Variants in RMI1 observed in about 807,000 individuals in gnomAD.
RMI1 encodes recQ-mediated genome instability protein 1.
RMI1 carries 36 observed loss-of-function variants against 46.7 expected under a neutral mutation model. The ratio of observed to expected loss-of-function variants is 0.77; its 90% CI spans 0.59 to 1.02. The LOEUF (loss-of-function observed/expected upper bound fraction) is 1.02. Among genes scored for constraint, RMI1 ranks in the 50% least tolerant of loss-of-function variants. RMI1 has a pLI of 0.00. For synonymous variants in RMI1, 250 were observed against 252.9 expected, an observed-to-expected ratio of 0.99 and a Z score of 0.11; for missense variants, 676 against 713.7, an observed-to-expected ratio of 0.95 and a Z score of 0.60.
chr9:83,983,372 C>G (rs1407349342), intron 1 of RMI1, among the ~76,000 whole-genome samples: 1 of 152,176 alleles, frequency 6.6e-6, no homozygotes, highest in Non-Finnish European at 1.5e-5. Flanking sequence ...CTTCTAATTT[C>G]AGTCATATAC....
intron 1 of RMI1, among the ~76,000 whole-genome samples, chr9:83,994,391 T>C (rs536047761): frequency 6.6e-6 from 1 of 152,324 alleles, no homozygotes; most frequent in Non-Finnish European, 1.5e-5. Context: ...GTCATGAAGC[T>C]TTTTCCCTAT....
intron 1 of RMI1, among the ~76,000 whole-genome samples, chr9:83,981,726 A>G (rs541831436): frequency 6.6e-6 from 1 of 152,338 alleles, no homozygotes; most frequent in African/African-American, 2.4e-5. Context: ...GAATACATGC[A>G]TATATTTTAG....
Position 84,001,151 on chromosome 9 carries a change from G to A in RMI1, c.165G>A (p.Gln55=), listed in dbSNP as rs1957730256. The part of the protein sequence containing the change: ...QAQMNKQVFE[Q]WLLTDLRDLE... ...AAATGAATAAACAAGTGTTTGAGCA[G>A]TGGCTCCTTACTGATCTGAGGGATT... is the stretch of plus-strand genomic sequence containing the variant. Residue 55 remains glutamine (Q), a synonymous_variant, in exon 3 of 3, where the codon CAG becomes CAA. Transcript: ENST00000445877. 1.9e-6 allele frequency: 3 copies of A among 1,614,012 alleles called. No homozygotes were observed. Among genetic ancestry groups the A allele is most frequent in the South Asian group, 1.1e-5 (1 of 91,090 alleles).
Position 84,003,787 on chromosome 9 carries a change from T to A in RMI1, c.*923T>A, listed in dbSNP as rs916146208. The A allele has an allele frequency of 6.2e-6, 1 of 162,356 alleles. No homozygotes were observed. The highest frequency in any genetic ancestry group is 2.4e-5 in the African/African-American group (1 of 41,456). 10.1% of individuals were successfully genotyped at this position (162,356 alleles called of 1,614,324 possible). A position where few individuals can be genotyped will look rare whatever the true frequency, so the allele number is the denominator to read the frequency against. ...TATTTTAAATGGCATATTGAAAACA[T>A]CATTATTAAGATCCAGTAGGTAGGA... On this transcript the variant is annotated 3_prime_UTR_variant, in exon 3 of 3. Coordinates refer to ENST00000445877, the MANE Select transcript of RMI1 (RefSeq NM_001358291.2).
chr9:84,001,198 A>ATGGCATTTT lies in RMI1; in HGVS notation c.213_221dup (p.Ile73_Leu74insPheGlyIle). ...GATTTGGAGCATCCTCTTTTACCCG[A>ATGGCATTTT]TGGCATTTTAGAAATTCCAAAAGGA... On this transcript the variant is annotated inframe_insertion, in exon 3 of 3. Coordinates refer to ENST00000445877, the MANE Select transcript of RMI1 (RefSeq NM_001358291.2). 1 of 1,614,144 alleles carries ATGGCATTTT rather than the reference A, an allele frequency of 6.2e-7. No homozygotes were observed. Among genetic ancestry groups the ATGGCATTTT allele is most frequent in the Non-Finnish European group, 8.5e-7 (1 of 1,179,984 alleles).
At chr9:83,996,464 G>A (rs1347539628) in intron 1 of RMI1, among the ~76,000 whole-genome samples, 2 of 152,154 alleles carry the variant, frequency 1.3e-5, no homozygotes, top group African/African-American at 2.4e-5. Context: ...CACGGCTTTA[G>A]TGCCCACTTA....
chr9:83,993,092 T>G (rs1386941561), intron 1 of RMI1: 1 of 152,224 alleles, frequency 6.6e-6, no homozygotes, highest in African/African-American at 2.4e-5. Context: ...GTTACTTATG[T>G]GCATATTGTT....
intron 1 of RMI1, among the ~76,000 whole-genome samples, chr9:83,982,067 CTT>C (rs1296294570): frequency 6.6e-6 from 1 of 152,158 alleles, no homozygotes; most frequent in African/African-American, 2.4e-5. Flanking sequence ...GTAGGTAAAA[CTT>C]AACTCGCATT....
intron 1 of RMI1, among the ~76,000 whole-genome samples, chr9:83,993,770 T>A (rs903243590): frequency 6.6e-6 from 1 of 151,910 alleles, no homozygotes; most frequent in Non-Finnish European, 1.5e-5. Context: ...TTATTGACCA[T>A]TGTATATCTT....
intron 2 of RMI1, among the ~76,000 whole-genome samples, 189 bp from the exon 3 acceptor site, chr9:84,000,762 A>G (rs977546915): frequency 2.6e-5 from 4 of 152,308 alleles, no homozygotes; most frequent in South Asian, 2.1e-4. Flanking sequence ...AAACCTAGGT[A>G]TAGCTGTCTC....
Position 84,002,310 on chromosome 9 carries a change from A to T in RMI1, c.1324A>T (p.Ile442Leu). 1 of 1,600,172 alleles carries T rather than the reference A, an allele frequency of 6.2e-7. No homozygotes were observed. The highest frequency in any genetic ancestry group is 8.5e-7 in the Non-Finnish European group (1 of 1,169,654). ...AGATAGCCATTCCTTAAATAATAAA[A>T]TATTAAATAGAGAGGTGGTCAACTA... ...SSDSHSLNNK[I>L]LNREVVNYVQ... The change falls in exon 3 of 3, where the codon ATA becomes TTA. Residue 442 changes from isoleucine to leucine, a missense_variant. Ile to Leu is a conservative substitution (Grantham distance 5, BLOSUM62 2). Transcript: ENST00000445877.
At chr9:83,988,808 A>T (rs1957528424) in intron 1 of RMI1, among the ~76,000 whole-genome samples, 1 of 152,138 alleles carries the variant, frequency 6.6e-6, no homozygotes, top group South Asian at 2.1e-4. Flanking sequence ...TTTATTTGCC[A>T]TCTGCATATT....
chr9:83,998,072 C>T (rs138920366), intron 1 of RMI1, among the ~76,000 whole-genome samples: 2 of 152,178 alleles, frequency 1.3e-5, no homozygotes, highest in Non-Finnish European at 2.9e-5. Flanking sequence ...GCTGGGTTTA[C>T]AGGCGTGAGC....
Position 84,001,813 on chromosome 9 carries a change from A to G in RMI1, c.827A>G (p.Asn276Ser). ...TGTTTCACCACAGGTAGTTCCTCAA[A>G]TACCATTCCCACAAGACAGTCAAGT... is the stretch of plus-strand genomic sequence containing the variant. ...ERCFTTGSSSNTIPTRQSSFE... is the reference protein window; with the variant it reads ...ERCFTTGSSSSTIPTRQSSFE... The change falls in exon 3 of 3, where the codon AAT (asparagine) becomes AGT (serine). Residue 276 changes from asparagine to serine, a missense_variant. Asn to Ser is a conservative substitution (Grantham distance 46, BLOSUM62 1). Coordinates refer to ENST00000445877, the MANE Select transcript of RMI1 (RefSeq NM_001358291.2). The G allele has an allele frequency of 6.2e-7, 1 of 1,614,064 alleles. No homozygotes were observed. Among genetic ancestry groups the G allele is most frequent in the Non-Finnish European group, 8.5e-7 (1 of 1,179,948 alleles).
Position 84,001,329 on chromosome 9 carries a change from CT to C in RMI1, c.344del (p.Leu115GlnfsTer8), listed in dbSNP as rs1957733028. 6.2e-7 allele frequency: 1 copy of C among 1,614,108 alleles called. No individual in the cohort carries two copies. Among genetic ancestry groups the C allele is most frequent in the Non-Finnish European group, 8.5e-7 (1 of 1,179,996 alleles). Reference sequence around the variant, plus strand: ...GAGAGGAAAGAATACAACAAATGATCTAGTTACAGCTGAAGCACAAGTAACC... The same window carrying C: ...GAGAGGAAAGAATACAACAAATGATCAGTTACAGCTGAAGCACAAGTAACC... ...KLRGKNTTND[L>X]VTAEAQVTPK... On this transcript the variant is annotated frameshift_variant, in exon 3 of 3. Transcript: ENST00000445877. LOFTEE classifies it high-confidence loss of function.
intron 1 of RMI1, among the ~76,000 whole-genome samples, chr9:83,982,479 T>C (rs991878898): frequency 2.0e-5 from 3 of 151,680 alleles, no homozygotes; most frequent in Non-Finnish European, 4.4e-5. Flanking sequence ...CTGGCTAACA[T>C]TGTGAAACCC....
At chr9:83,998,368 TTAA>T (rs1436136510) in intron 1 of RMI1, among the ~76,000 whole-genome samples, 5 of 152,240 alleles carry the variant, frequency 3.3e-5, no homozygotes, top group Non-Finnish European at 7.3e-5. Context: ...TTAAATTAAA[TTAA>T]TAATGTACCC....
chr9:84,001,885 C>T lies in RMI1; in HGVS notation c.899C>T (p.Ser300Leu). The T allele has an allele frequency of 1.2e-6, 2 of 1,614,010 alleles. No homozygotes were observed. Among genetic ancestry groups the T allele is most frequent in the Non-Finnish European group, 1.7e-6 (2 of 1,179,956 alleles). Reference protein sequence around the residue: ...VISPRPKEEPSNLSIHVMDGE... With the variant: ...VISPRPKEEPLNLSIHVMDGE... ...TCTCCAAGACCAAAAGAGGAACCAT[C>T]AAACCTATCTATACATGTAATGGAT... is the stretch of plus-strand genomic sequence containing the variant. The change falls in exon 3 of 3, where the codon TCA becomes TTA. Residue 300 changes from serine (S) to leucine (L), a missense_variant. Physicochemically the swap from Ser to Leu is moderately radical, Grantham distance 145. Coordinates refer to ENST00000445877, the MANE Select transcript of RMI1 (RefSeq NM_001358291.2).
rs1248167288 is a variant in RMI1, at chr9:84,003,229, GT to G, written c.*369del. ...CAGCTAATTTATAATTACTATTATT[GT>G]TTTGTAGGGACAGAGTTTTGCTATG... On this transcript the variant is annotated 3_prime_UTR_variant, in exon 3 of 3. Transcript: ENST00000445877. The G allele has an allele frequency of 1.8e-5, 3 of 170,116 alleles. No homozygotes were observed. The highest frequency in any genetic ancestry group is 2.8e-5 in the Non-Finnish European group (2 of 71,426). The allele number at this position is 170,116 out of a possible 1,614,324, so 10.5% of individuals were successfully genotyped here.
Sources: gnomAD v4.1 joint callset for allele counts (sites outside exome capture counted in the v4.1 genomes callset) on GRCh38, gnomAD v4.1.1 for gene constraint, MANE v1.5 for transcripts, NCBI Gene and HGNC (gene_info 2026-07-23, HGNC 2026-07-21) for gene names.